RFX4: variants seen among roughly 807,000 people sequenced by gnomAD.
RFX4 encodes transcription factor RFX4.
In RFX4, 10 loss-of-function variants were observed where a neutral mutation model predicts 95.0. The observed-to-expected ratio is 0.11, with a 90% CI of 0.06 to 0.18. The LOEUF is 0.18. Ranked by LOEUF, RFX4 falls within the 10% of genes least tolerant of loss-of-function variation. RFX4 has a pLI of 1.00. For synonymous variants in RFX4, 321 were observed against 340.7 expected (o/e 0.94, Z 0.64); for missense variants, 640 against 922.0 (o/e 0.69, Z 3.96).
intron 2 of RFX4, among the ~76,000 whole-genome samples, chr12:106,609,523 T>C (rs11113055): frequency 1.1e-3 from 163 of 152,316 alleles, no homozygotes; most frequent in African/African-American, 3.8e-3. Context: ...CTTTCTTCCA[T>C]GGTTGGTAAA....
rs889013676 is a variant in RFX4, at chr12:106,761,055, T to G, written c.1936-142T>G. The stretch of plus-strand genomic sequence containing the variant: ...TCCCTAAGACCAATATTCAGTCTTG[T>G]AGAAGTTCAGTGATTCTTCTCCATC... On this transcript the variant is annotated intron_variant, in intron 17 of 17. Transcript: ENST00000392842. 5.4e-6 allele frequency: 5 copies of G among 926,576 alleles called. No individual in the cohort carries two copies. The South Asian group carries it at 8.0e-5, about 15-fold the overall frequency. The allele number at this position is 926,576 out of a possible 1,614,324, so 57.4% of individuals were successfully genotyped here. A position where few individuals can be genotyped will look rare whatever the true frequency, so the allele number is the denominator to read the frequency against.
At chr12:106,669,878 G>GTGTGTT (rs2041249576) in intron 4 of RFX4, among the ~76,000 whole-genome samples, 1 of 145,936 alleles carries the variant, frequency 6.9e-6, no homozygotes, top group Non-Finnish European at 1.5e-5. Context: ...GTGTGTGTGT[G>GTGTGTT]TAGTGCCATG....
At chr12:106,684,868 A>C (rs1208491332) in intron 5 of RFX4, 1 of 1,603,100 alleles carries the variant, frequency 6.2e-7, no homozygotes, top group Admixed American at 1.7e-5. Flanking sequence ...AGGCATTCAG[A>C]TAGATTCGAG....
At position 106,586,167 on chromosome 12, in the gene RFX4, G is replaced by A. The variant is rs938311631; in HGVS notation, c.43+2804G>A. Among the ~76,000 whole-genome samples the A allele has an allele frequency of 2.2e-4, 34 of 152,170 alleles. No homozygotes were observed. Among genetic ancestry groups the A allele is most frequent in the Admixed American group, 6.5e-4 (10 of 15,286 alleles). On this transcript the variant is annotated intron_variant, in intron 1 of 17. Transcript: ENST00000392842. This position sits in a 1 kb window ranked among gnomAD's most constrained non-coding sequence, Gnocchi z 5.6. ...GCCGCGCGCCGCGGTGCTCCGGCAG[G>A]AGGCAAAGGCGACAGGCGCGCGCAG...
At chr12:106,673,554 A>T (rs150640687) in intron 4 of RFX4, among the ~76,000 whole-genome samples, 1 of 152,388 alleles carries the variant, frequency 6.6e-6, no homozygotes, top group East Asian at 1.9e-4. Context: ...TTTTCAATTT[A>T]GCACATTTTT....
intron 1 of RFX4, among the ~76,000 whole-genome samples, chr12:106,607,528 G>T (rs1220473248): frequency 7.4e-6 from 1 of 135,394 alleles, no homozygotes; most frequent in Non-Finnish European, 1.6e-5. Flanking sequence ...GTGTGAACGT[G>T]AGTGTGTTCT....
At chr12:106,655,508 GC>G (rs2040940456) in intron 4 of RFX4, among the ~76,000 whole-genome samples, 1 of 152,186 alleles carries the variant, frequency 6.6e-6, no homozygotes, top group South Asian at 2.1e-4. Flanking sequence ...CTATGGAGGT[GC>G]CCCTCAGCAG....
chr12:106,660,835 C>T (rs1010009226), intron 4 of RFX4, among the ~76,000 whole-genome samples: 6 of 152,098 alleles, frequency 3.9e-5, no homozygotes, highest in African/African-American at 9.7e-5. Context: ...TTGTGAACTG[C>T]GCTTGTGAGG....
At chr12:106,587,567 T>A (rs2039477918) in intron 1 of RFX4, among the ~76,000 whole-genome samples, 1 of 152,216 alleles carries the variant, frequency 6.6e-6, no homozygotes, top group Non-Finnish European at 1.5e-5. Flanking sequence ...CCAGCAGCTA[T>A]ACCTTTTCTC....
chr12:106,715,649 A>G (rs930800198), intron 11 of RFX4, 105 bp downstream of exon 11: 7 of 1,290,644 alleles, frequency 5.4e-6, no homozygotes, highest in Non-Finnish European at 6.5e-6. Flanking sequence ...TCTTCCCAGC[A>G]TCTCTTCCTC....
chr12:106,591,045 C>T (rs1323423077), intron 1 of RFX4, among the ~76,000 whole-genome samples: 1 of 151,764 alleles, frequency 6.6e-6, no homozygotes, highest in East Asian at 1.9e-4. Flanking sequence ...GTGGCAGAAC[C>T]AGGATTTGAG....
intron 7 of RFX4, among the ~76,000 whole-genome samples, chr12:106,694,452 G>A (rs959579016): frequency 6.6e-6 from 1 of 152,194 alleles, no homozygotes; most frequent in African/African-American, 2.4e-5. Flanking sequence ...GATGCTGCAG[G>A]TTACCAGGGC....
At chr12:106,760,198 T>C (rs2136108617) in intron 17 of RFX4, among the ~76,000 whole-genome samples, 1 of 152,308 alleles carries the variant, frequency 6.6e-6, no homozygotes, top group South Asian at 2.1e-4. Context: ...TCCTTGTTGA[T>C]TGGCTCCTGT....
At position 106,674,163 on chromosome 12, in the gene RFX4, A is replaced by T. The variant is rs116044932; in HGVS notation, c.316-7830A>T. Reference sequence around the variant, plus strand: ...CCTCATTCTTCCTGAAACGAATGAGACAAGCTCCCACCCAGGTCCTTCCCA... The same window carrying T: ...CCTCATTCTTCCTGAAACGAATGAGTCAAGCTCCCACCCAGGTCCTTCCCA... On this transcript the variant is annotated intron_variant, in intron 4 of 17. Coordinates refer to ENST00000392842, the MANE Select transcript of RFX4 (RefSeq NM_213594.3). Among the ~76,000 whole-genome samples the T allele has an allele frequency of 3.2e-3, 487 of 152,282 alleles. 3 individuals carry two copies. The highest frequency in any genetic ancestry group is 0.011 in the African/African-American group (472 of 41,562).
At chr12:106,604,399 G>C (rs2039780991) in intron 1 of RFX4, among the ~76,000 whole-genome samples, 2 of 152,092 alleles carry the variant, frequency 1.3e-5, no homozygotes, top group African/African-American at 4.8e-5. Context: ...TGGGATTACA[G>C]GTGTGAGCCA....
intron 9 of RFX4, 22 bp from the exon 10 acceptor site, chr12:106,711,431 A>G (rs770080764): frequency 2.5e-6 from 4 of 1,608,164 alleles, no homozygotes; most frequent in Non-Finnish European, 3.4e-6. Context: ...AATATTTCAA[A>G]CTAATTCTTT....
intron 1 of RFX4, chr12:106,585,896 G>T (rs558569482): frequency 5.3e-5 from 8 of 152,320 alleles, no homozygotes; most frequent in African/African-American, 1.9e-4. Flanking sequence ...TTTTGCAGGG[G>T]CCAGGGCTCT....
In RFX4 at chr12:106,738,664, A is replaced by G. The variant is rs757162553; in HGVS notation, c.1633+5579A>G. ...CATGGGGCATTAAAAATGTCATCCT[A>G]TATAAGACTATGTATGATATTTTTC... On this transcript the variant is annotated intron_variant, in intron 15 of 17. Transcript: ENST00000392842. Among the ~76,000 whole-genome samples, 9 of 152,306 alleles carry G rather than the reference A, an allele frequency of 5.9e-5. 1 individual carries two copies. The highest frequency in any genetic ancestry group is 2.0e-4 in the Admixed American group (3 of 15,288).
intron 7 of RFX4, among the ~76,000 whole-genome samples, chr12:106,692,630 G>A (rs992800732): frequency 2.6e-5 from 4 of 152,158 alleles, no homozygotes; most frequent in Middle Eastern, 3.2e-3. Context: ...ACAAAGGGCC[G>A]AGAGTTCAGA....
Sources: gnomAD v4.1 joint callset for allele counts (sites outside exome capture counted in the v4.1 genomes callset) on GRCh38, gnomAD v4.1.1 for gene constraint, Gnocchi (gnomAD v3.1) non-coding constraint, MANE v1.5 for transcripts, NCBI Gene and HGNC (gene_info 2026-07-23, HGNC 2026-07-21) for gene names.